RBMS3: variants seen among roughly 807,000 people sequenced by gnomAD.
The protein encoded by RBMS3 is RNA-binding motif, single-stranded-interacting protein 3.
RBMS3 carries 27 observed loss-of-function variants against 66.8 expected under a neutral mutation model. That is an observed-to-expected ratio of 0.40 (90% CI 0.30 to 0.56). The LOEUF is 0.56. Ranked by LOEUF, RBMS3 falls within the 20% of genes least tolerant of loss-of-function variation. The probability of loss-of-function intolerance (pLI) is 0.40; values close to 1 mark genes in which losing one functional copy is unlikely to be tolerated. For synonymous variants in RBMS3, 188 were observed against 183.0 expected (o/e 1.03, Z -0.22); for missense variants, 513 against 549.5 (o/e 0.93, Z 0.66).
chr3:29,500,965 T>C (rs1208957644), intron 3 of RBMS3, among the ~76,000 whole-genome samples: 1 of 152,150 alleles, frequency 6.6e-6, no homozygotes, highest in African/African-American at 2.4e-5. Flanking sequence ...TTTAATAAAA[T>C]GTAAAAAGGA....
intron 12 of RBMS3, among the ~76,000 whole-genome samples, chr3:29,953,584 G>T (rs1428142511): frequency 6.6e-6 from 1 of 151,892 alleles, no homozygotes; most frequent in Non-Finnish European, 1.5e-5. Flanking sequence ...AAACATGAGA[G>T]AGGGTAAATA....
chr3:29,356,383 A>G (rs1351182660), intron 1 of RBMS3, among the ~76,000 whole-genome samples: 1 of 152,166 alleles, frequency 6.6e-6, no homozygotes, highest in Admixed American at 6.6e-5. Context: ...CCCAGCTGTC[A>G]AGCAATTAGA....
intron 2 of RBMS3, among the ~76,000 whole-genome samples, chr3:29,445,826 A>G (rs1039468226): frequency 6.6e-6 from 1 of 152,192 alleles, no homozygotes; most frequent in African/African-American, 2.4e-5. Context: ...TCTCTAACAC[A>G]GTAGTATCTC....
chr3:29,915,616 C>A (rs2060621237), intron 10 of RBMS3, among the ~76,000 whole-genome samples: 1 of 151,900 alleles, frequency 6.6e-6, no homozygotes. Flanking sequence ...TCCTTCATGT[C>A]TTTTTCTAAA....
At chr3:29,755,268 GTGTCCC>G (rs1321162211) in intron 5 of RBMS3, among the ~76,000 whole-genome samples, 149 of 152,296 alleles carry the variant, frequency 9.8e-4, no homozygotes, top group African/African-American at 3.6e-3. Flanking sequence ...ACATAGATGA[GTGTCCC>G]TACTGGGGAT....
chr3:29,834,629 T>C (rs2058459667), intron 6 of RBMS3, among the ~76,000 whole-genome samples: 1 of 151,896 alleles, frequency 6.6e-6, no homozygotes, highest in Non-Finnish European at 1.5e-5. Context: ...ACTCTTATAG[T>C]AGATACACAA....
At chr3:29,965,627 G>T (rs1419215406) in intron 12 of RBMS3, among the ~76,000 whole-genome samples, 1 of 151,730 alleles carries the variant, frequency 6.6e-6, no homozygotes, top group Non-Finnish European at 1.5e-5. Context: ...TCTGGATATC[G>T]GTCCTTTGTC....
intron 4 of RBMS3, among the ~76,000 whole-genome samples, chr3:29,624,915 C>T (rs1255985478): frequency 1.3e-5 from 2 of 152,060 alleles, no homozygotes; most frequent in African/African-American, 2.4e-5. Flanking sequence ...TGTGTCCCCA[C>T]CCAAATCTCA....
rs573278780 is a variant in RBMS3 at position 29,746,805 on chromosome 3, C to G, written c.557+6928C>G. 2.0e-5 allele frequency among the ~76,000 whole-genome samples: 3 copies of G among 152,170 alleles called. No homozygotes were observed. The East Asian group carries it at 5.8e-4, about 29-fold the overall frequency. On this transcript the variant is annotated intron_variant, in intron 5 of 14. Coordinates refer to ENST00000383767, the MANE Select transcript of RBMS3 (RefSeq NM_001003793.3). ...AGACGGCAGTCTTGTTGTATATATGCCTTTATAAAAATCTAACAAAGGAGA... is the reference window on the plus strand; with the variant it reads ...AGACGGCAGTCTTGTTGTATATATGGCTTTATAAAAATCTAACAAAGGAGA...
intron 10 of RBMS3, among the ~76,000 whole-genome samples, 164 bp from the exon 11 acceptor site, chr3:29,935,922 A>G (rs1474533693): frequency 6.6e-6 from 1 of 152,194 alleles, no homozygotes; most frequent in Non-Finnish European, 1.5e-5. Context: ...CAAGCACAAA[A>G]TGACATGAAT....
At chr3:29,601,489 G>A (rs1420213581) in intron 4 of RBMS3, among the ~76,000 whole-genome samples, 1 of 151,932 alleles carries the variant, frequency 6.6e-6, no homozygotes, top group Non-Finnish European at 1.5e-5. Context: ...CTTTTGGGCT[G>A]GAAGAGAGCA....
intron 5 of RBMS3, among the ~76,000 whole-genome samples, chr3:29,747,954 GCCT>G (rs2054999148): frequency 2.0e-5 from 3 of 152,120 alleles, no homozygotes; most frequent in Admixed American, 6.5e-5. Context: ...TAATTTGTCT[GCCT>G]GCTGCCTCTA....
intron 1 of RBMS3, among the ~76,000 whole-genome samples, chr3:29,343,067 A>G (rs1401631729): frequency 6.6e-6 from 1 of 152,130 alleles, no homozygotes; most frequent in African/African-American, 2.4e-5. Flanking sequence ...AATGGTGAAA[A>G]GTTTGTATCT....
chr3:29,412,147 T>A (rs1158413576), intron 1 of RBMS3, among the ~76,000 whole-genome samples: 2 of 152,202 alleles, frequency 1.3e-5, no homozygotes, highest in African/African-American at 4.8e-5. Flanking sequence ...AAATTCACTT[T>A]GTACATATAT....
At chr3:29,371,245 A>C (rs2038183189) in intron 1 of RBMS3, among the ~76,000 whole-genome samples, 1 of 152,226 alleles carries the variant, frequency 6.6e-6, no homozygotes, top group Admixed American at 6.5e-5. Flanking sequence ...GATTGGTAAC[A>C]CAGGGATAGA....
intron 1 of RBMS3, among the ~76,000 whole-genome samples, chr3:29,331,831 T>C (rs1480273407): frequency 1.3e-5 from 2 of 150,026 alleles, no homozygotes; most frequent in Non-Finnish European, 3.0e-5. Context: ...TTTTTTTTTT[T>C]TTTTTTTTTC....
At chr3:29,799,116 A>G (rs2057309443) in intron 6 of RBMS3, among the ~76,000 whole-genome samples, 1 of 152,158 alleles carries the variant, frequency 6.6e-6, no homozygotes. Context: ...ATAATGGTCA[A>G]TGCCTCTCAG....
intron 10 of RBMS3, among the ~76,000 whole-genome samples, chr3:29,933,381 GGCAAACTCCCCCTTT>G (rs1256576209): frequency 6.6e-6 from 1 of 151,964 alleles, no homozygotes; most frequent in Non-Finnish European, 1.5e-5. Flanking sequence ...CAAAGTGGCT[GGCAAACTCCCCCTTT>G]GCTGTAGGTA....
intron 4 of RBMS3, among the ~76,000 whole-genome samples, chr3:29,604,267 A>G (rs1222167519): frequency 1.3e-5 from 2 of 152,080 alleles, no homozygotes; most frequent in South Asian, 2.1e-4. Flanking sequence ...ATTTCATCTT[A>G]TAAGTGACAA....
Sources: gnomAD v4.1 joint callset for allele counts (sites outside exome capture counted in the v4.1 genomes callset) on GRCh38, gnomAD v4.1.1 for gene constraint, MANE v1.5 for transcripts, NCBI Gene and HGNC (gene_info 2026-07-23, HGNC 2026-07-21) for gene names.